CTNNA2: variants seen among roughly 807,000 people sequenced by gnomAD.
The protein encoded by CTNNA2 is catenin alpha-2.
A neutral mutation model predicts 101.0 loss-of-function variants in CTNNA2; 42 were observed. That is an observed-to-expected ratio of 0.42 (90% CI 0.32 to 0.54). The LOEUF is 0.54. Ranked by LOEUF, CTNNA2 falls within the 20% of genes least tolerant of loss-of-function variation. The pLI, the probability that CTNNA2 is intolerant of heterozygous loss-of-function variation, is 0.14. For missense variants in CTNNA2, 871 were observed against 1,223.1 expected, an observed-to-expected ratio of 0.71 and a Z score of 4.29; for synonymous variants, 450 against 456.4, an observed-to-expected ratio of 0.99 and a Z score of 0.18.
At chr2:80,592,710 G>A (rs1696615721) in intron 15 of CTNNA2, among the ~76,000 whole-genome samples, 1 of 108,144 alleles carries the variant, frequency 9.2e-6, no homozygotes, top group Non-Finnish European at 2.0e-5. Context: ...CCCTTTTTAT[G>A]TGCTATATCT....
intron 7 of CTNNA2, among the ~76,000 whole-genome samples, chr2:80,043,818 G>A (rs373351783): frequency 1.3e-5 from 2 of 152,172 alleles, no homozygotes; most frequent in South Asian, 4.1e-4. Flanking sequence ...AGAGAAGTGA[G>A]GCTTTATTTT....
chr2:79,745,431 T>TA (rs1223534860), intron 3 of CTNNA2, among the ~76,000 whole-genome samples: 37 of 150,398 alleles, frequency 2.5e-4, no homozygotes, highest in African/African-American at 8.9e-4. Flanking sequence ...ACTCCATCTC[T>TA]TAAAAAAAAA....
At chr2:79,516,967 C>G (rs1357827005) in intron 1 of CTNNA2, among the ~76,000 whole-genome samples, 1 of 152,048 alleles carries the variant, frequency 6.6e-6, no homozygotes, top group Admixed American at 6.6e-5. Flanking sequence ...ATTTACTTTT[C>G]CTAATTACAA....
intron 4 of CTNNA2, among the ~76,000 whole-genome samples, chr2:79,463,997 T>G (rs1670905910): frequency 6.6e-6 from 1 of 152,060 alleles, no homozygotes; most frequent in Admixed American, 6.6e-5. Flanking sequence ...TTTTTTTTTT[T>G]TAATACTCTA....
At chr2:79,256,971 C>G (rs1280704234) in intron 2 of CTNNA2, among the ~76,000 whole-genome samples, 2 of 152,058 alleles carry the variant, frequency 1.3e-5, no homozygotes, top group Non-Finnish European at 2.9e-5. Flanking sequence ...AGCACACAAA[C>G]TACAAAAAGA....
rs148203478 is a variant in CTNNA2, at chr2:79,836,779, C to A, written c.299-21234C>A. ...GTCTCTTCTTTTTTTCTTTTTCTTT[C>A]TTTATGTACTGTTAGAATCTCACTC... On this transcript the variant is annotated intron_variant, in intron 3 of 18. Coordinates refer to ENST00000402739, the MANE Select transcript of CTNNA2 (RefSeq NM_001282597.3). Among the ~76,000 whole-genome samples the A allele has an allele frequency of 7.0e-4, 107 of 152,010 alleles. 1 individual carries two copies. The highest frequency in any genetic ancestry group is 2.6e-3 in the African/African-American group (107 of 41,464).
intron 18 of CTNNA2, among the ~76,000 whole-genome samples, chr2:80,641,463 C>CTAAT (rs897265103): frequency 1.3e-5 from 2 of 152,070 alleles, no homozygotes; most frequent in African/African-American, 4.8e-5. Flanking sequence ...CAGTCAAATC[C>CTAAT]TAATTCTCTT....
chr2:80,153,828 G>A (rs1703846964), intron 7 of CTNNA2, among the ~76,000 whole-genome samples: 2 of 152,130 alleles, frequency 1.3e-5, no homozygotes, highest in Non-Finnish European at 2.9e-5. Context: ...GAGCATTGGA[G>A]GAATGAATAG....
chr2:80,403,824 G>A lies in CTNNA2; in HGVS notation c.1137+10533G>A, dbSNP rs139499172. 6.9e-4 allele frequency among the ~76,000 whole-genome samples: 105 copies of A among 152,302 alleles called. No individual in the cohort carries two copies. In the East Asian group the frequency reaches 0.018, roughly 27 times the overall value. ...TTGAGAGTTTTTAACATGAAGGGATGTTGAATTTTGTCGAAGATATTTTCT... is the reference window on the plus strand; with the variant it reads ...TTGAGAGTTTTTAACATGAAGGGATATTGAATTTTGTCGAAGATATTTTCT... On this transcript the variant is annotated intron_variant, in intron 8 of 18. Coordinates refer to ENST00000402739, the MANE Select transcript of CTNNA2 (RefSeq NM_001282597.3).
At chr2:79,945,707 G>A (rs889690520) in intron 7 of CTNNA2, among the ~76,000 whole-genome samples, 2 of 152,124 alleles carry the variant, frequency 1.3e-5, no homozygotes, top group African/African-American at 4.8e-5. Context: ...TCCTGGAGAT[G>A]AATAGTAAAA....
In CTNNA2 at chr2:79,245,098, GA is replaced by G. The variant is rs111503363; in HGVS notation, c.-406+47035del. 5.2e-3 allele frequency among the ~76,000 whole-genome samples: 639 copies of G among 123,142 alleles called. 4 individuals carry two copies. The highest frequency in any genetic ancestry group is 0.015 in the African/African-American group (520 of 34,288). The allele number at this position is 123,142 out of a possible 152,430, so 80.8% of individuals were successfully genotyped here. On this transcript the variant is annotated intron_variant, in intron 2 of 21. Coordinates refer to the CTNNA2 transcript ENST00000466387. ...CAACAAGAGTGAAACTCCATCTCAA[GA>G]AAAAAAAAAAAAGGAAAGAAATCAG...
At chr2:80,301,647 G>A (rs1016894859) in intron 7 of CTNNA2, among the ~76,000 whole-genome samples, 3 of 152,280 alleles carry the variant, frequency 2.0e-5, no homozygotes, top group Admixed American at 1.3e-4. Context: ...AAAGGGTCTT[G>A]CAGTTTTTCT....
chr2:80,237,891 A>C (rs529510573), intron 7 of CTNNA2, among the ~76,000 whole-genome samples: 1 of 151,942 alleles, frequency 6.6e-6, no homozygotes, highest in East Asian at 2.0e-4. Flanking sequence ...GGCTGCCTGG[A>C]CCCTCTCCTA....
intron 7 of CTNNA2, among the ~76,000 whole-genome samples, chr2:80,315,041 T>G (rs979114861): frequency 6.6e-6 from 1 of 152,058 alleles, no homozygotes; most frequent in African/African-American, 2.4e-5. Context: ...GAAAAATGAG[T>G]TGAATTATAA....
intron 1 of CTNNA2, among the ~76,000 whole-genome samples, chr2:79,584,712 G>A (rs1488985480): frequency 6.6e-6 from 1 of 151,920 alleles, no homozygotes; most frequent in African/African-American, 2.4e-5. Flanking sequence ...TAGAGATGGG[G>A]TTTCACCATG....
chr2:79,429,523 C>T (rs1310768061), intron 4 of CTNNA2, among the ~76,000 whole-genome samples: 1 of 152,118 alleles, frequency 6.6e-6, no homozygotes, highest in Non-Finnish European at 1.5e-5. Context: ...TTTAACTAGA[C>T]TTCCTTAGTC....
At chr2:80,018,796 A>AT in intron 7 of CTNNA2, among the ~76,000 whole-genome samples, 1 of 152,002 alleles carries the variant, frequency 6.6e-6, no homozygotes, top group Middle Eastern at 3.4e-3. Context: ...AAAAAAAAAA[A>AT]AAAATTGGGA....
chr2:79,188,424 TG>T (rs1484044964), intron 1 of CTNNA2, among the ~76,000 whole-genome samples: 5 of 152,180 alleles, frequency 3.3e-5, no homozygotes, highest in Non-Finnish European at 2.9e-5. Context: ...AAGTGTCACC[TG>T]GGGCACTTCA....
At chr2:79,995,384 A>AG (rs1270085392) in intron 7 of CTNNA2, among the ~76,000 whole-genome samples, 1 of 152,166 alleles carries the variant, frequency 6.6e-6, no homozygotes, top group Non-Finnish European at 1.5e-5. Flanking sequence ...TGTACCTGTG[A>AG]GGAAGCAGCC....
Sources: gnomAD v4.1 joint callset for allele counts (sites outside exome capture counted in the v4.1 genomes callset) on GRCh38, gnomAD v4.1.1 for gene constraint, MANE v1.5 for transcripts, NCBI Gene and HGNC (gene_info 2026-07-23, HGNC 2026-07-21) for gene names.